TENM4: variants seen among roughly 807,000 people sequenced by gnomAD.
TENM4 encodes the protein teneurin-4.
A neutral mutation model predicts 243.3 loss-of-function variants in TENM4; 82 were observed. The observed-to-expected ratio is 0.34, with a 90% CI of 0.28 to 0.40. The LOEUF (loss-of-function observed/expected upper bound fraction) is 0.40, where lower values mean the gene tolerates loss of function less well. Among genes scored for constraint, TENM4 ranks in the 10% least tolerant of loss-of-function variants. The pLI is 1.00. For synonymous variants in TENM4, 1,412 were observed against 1,456.3 expected (o/e 0.97, Z 0.69); for missense variants, 3,138 against 3,673.3 (o/e 0.85, Z 3.77).
intron 1 of TENM4, among the ~76,000 whole-genome samples, chr11:79,420,186 AT>A (rs574652134): frequency 1.8e-4 from 27 of 152,242 alleles, no homozygotes; most frequent in African/African-American, 5.8e-4. Context: ...TTTGAAATAC[AT>A]TTTTTTAACA....
At chr11:79,058,127 T>C (rs1031266111) in intron 6 of TENM4, among the ~76,000 whole-genome samples, 7 of 152,240 alleles carry the variant, frequency 4.6e-5, no homozygotes, top group Non-Finnish European at 1.0e-4. Context: ...AAGTTTCTAA[T>C]ATTGACAAAG....
At chr11:78,704,024 C>CATATAT (rs1555067557) in intron 27 of TENM4, among the ~76,000 whole-genome samples, 2 of 128,968 alleles carry the variant, frequency 1.6e-5, no homozygotes, top group African/African-American at 6.0e-5. Context: ...CACACACACA[C>CATATAT]ATATATATAT....
At chr11:79,130,620 G>A (rs192021404) in intron 4 of TENM4, among the ~76,000 whole-genome samples, 38 of 152,236 alleles carry the variant, frequency 2.5e-4, no homozygotes, top group African/African-American at 8.7e-4. Flanking sequence ...TCAGGAGATC[G>A]AGACCATCCT....
At chr11:79,137,465 G>A (rs1306864773) in intron 4 of TENM4, among the ~76,000 whole-genome samples, 1 of 152,090 alleles carries the variant, frequency 6.6e-6, no homozygotes, top group Non-Finnish European at 1.5e-5. Context: ...GACCCCTCAG[G>A]AATGAAGGTT....
At chr11:79,028,211 C>A (rs914878148) in intron 6 of TENM4, among the ~76,000 whole-genome samples, 1 of 152,206 alleles carries the variant, frequency 6.6e-6, no homozygotes, top group Admixed American at 6.5e-5. Flanking sequence ...ACTGAAAACA[C>A]TGTAAGAGCC....
intron 18 of TENM4, among the ~76,000 whole-genome samples, chr11:78,763,876 G>A (rs1443013544): frequency 7.3e-6 from 1 of 136,852 alleles, no homozygotes; most frequent in Non-Finnish European, 1.5e-5. Context: ...TTCCCATGCT[G>A]GTAGCTGTTC....
intron 12 of TENM4, among the ~76,000 whole-genome samples, chr11:78,825,532 C>T (rs960849459): frequency 5.9e-5 from 9 of 151,958 alleles, no homozygotes; most frequent in East Asian, 3.9e-4. Context: ...GAGAACCGCT[C>T]GTCTGGAAGA....
chr11:79,369,754 C>T (rs879310388), intron 1 of TENM4, among the ~76,000 whole-genome samples: 1 of 152,222 alleles, frequency 6.6e-6, no homozygotes, highest in Non-Finnish European at 1.5e-5. Flanking sequence ...AGCCCATATC[C>T]TTCCAGAACC....
chr11:78,811,206 T>G (rs1041537693), intron 14 of TENM4, among the ~76,000 whole-genome samples: 3 of 152,128 alleles, frequency 2.0e-5, no homozygotes, highest in African/African-American at 7.2e-5. Flanking sequence ...TATATCTGAT[T>G]CCAGAGTGTG....
At chr11:78,770,618 G>A (rs903842482) in intron 18 of TENM4, among the ~76,000 whole-genome samples, 1 of 152,212 alleles carries the variant, frequency 6.6e-6, no homozygotes, top group Non-Finnish European at 1.5e-5. Flanking sequence ...GCGTCCCTCT[G>A]CAGCTTCTGT....
chr11:79,106,432 C>T (rs544549008), intron 4 of TENM4, among the ~76,000 whole-genome samples: 2 of 152,356 alleles, frequency 1.3e-5, no homozygotes, highest in South Asian at 2.1e-4. Context: ...GCTGCTTAAC[C>T]TCTCAGGGCT....
chr11:79,037,272 A>C (rs1859413672), intron 6 of TENM4, among the ~76,000 whole-genome samples: 1 of 152,196 alleles, frequency 6.6e-6, no homozygotes, highest in Admixed American at 6.5e-5. Context: ...GGCAGCCCTC[A>C]ACTACATGGC....
chr11:79,005,835 C>A (rs935607734), intron 6 of TENM4, among the ~76,000 whole-genome samples: 1 of 152,094 alleles, frequency 6.6e-6, no homozygotes, highest in Non-Finnish European at 1.5e-5. Context: ...TGATTCTATA[C>A]CTAGAAAACT....
chr11:78,776,096 A>G (rs961439360), intron 17 of TENM4, among the ~76,000 whole-genome samples: 3 of 151,968 alleles, frequency 2.0e-5, no homozygotes, highest in Non-Finnish European at 4.4e-5. Context: ...AGCCATCATC[A>G]TCTCTTACCT....
intron 2 of TENM4, among the ~76,000 whole-genome samples, chr11:79,252,713 A>C (rs1452197758): frequency 6.6e-6 from 1 of 152,026 alleles, no homozygotes; most frequent in Non-Finnish European, 1.5e-5. Flanking sequence ...TTCCCTACCC[A>C]CTAGGGAGCT....
intron 7 of TENM4, among the ~76,000 whole-genome samples, chr11:78,896,894 T>C (rs1012141920): frequency 6.6e-6 from 1 of 152,106 alleles, no homozygotes; most frequent in African/African-American, 2.4e-5. Context: ...AGAATATGAC[T>C]ACCTACATGC....
chr11:78,818,609 A>G (rs1857658779), intron 12 of TENM4, among the ~76,000 whole-genome samples: 2 of 152,226 alleles, frequency 1.3e-5, no homozygotes, highest in African/African-American at 4.8e-5. Flanking sequence ...CTTGAGGTTC[A>G]GTTAGGATCC....
At chr11:79,024,608 T>G (rs1859026492) in intron 6 of TENM4, among the ~76,000 whole-genome samples, 1 of 152,214 alleles carries the variant, frequency 6.6e-6, no homozygotes, top group Non-Finnish European at 1.5e-5. Context: ...TTTTTTCTCC[T>G]CAATAAGAAG....
chr11:79,340,561 C>CAT (rs149544698), intron 1 of TENM4, among the ~76,000 whole-genome samples: 230 of 152,242 alleles, frequency 1.5e-3, no homozygotes, highest in African/African-American at 5.3e-3. Flanking sequence ...CCATAGCACA[C>CAT]GTTTGCTTCT....
Sources: allele counts gnomAD v4.1 joint callset (sites outside exome capture counted in the v4.1 genomes callset), GRCh38; gene constraint gnomAD v4.1.1; transcripts MANE v1.5; gene names NCBI Gene and HGNC (gene_info 2026-07-23, HGNC 2026-07-21).